CSMD1: variants seen among roughly 807,000 people sequenced by gnomAD.
CSMD1 encodes the protein CUB and sushi domain-containing protein 1.
In CSMD1, 213 loss-of-function variants were observed where a neutral mutation model predicts 417.5. The observed-to-expected ratio is 0.51, with a 90% CI of 0.46 to 0.57. The LOEUF (loss-of-function observed/expected upper bound fraction) is 0.57, where lower values mean the gene tolerates loss of function less well. Among genes scored for constraint, CSMD1 ranks in the 20% least tolerant of loss-of-function variants. The probability of loss-of-function intolerance (pLI) is 0.00; values close to 1 mark genes in which losing one functional copy is unlikely to be tolerated. For missense variants in CSMD1, 6,923 were observed against 4,529.7 expected (o/e 1.53, Z -15.17); for synonymous variants, 2,862 against 1,736.8 (o/e 1.65, Z -16.11).
chr8:4,655,674 T>A lies in CSMD1; in HGVS notation c.86-18116A>T, dbSNP rs569095598. Among the ~76,000 whole-genome samples the A allele has an allele frequency of 6.6e-5, 10 of 152,138 alleles. No homozygotes were observed. The East Asian group carries it at 1.9e-3, about 29-fold the overall frequency. ...TAATCATTTAGATGAAAAGTCAATATAATGGAAAAGGTAACTAGGACACGA... is the reference window on the plus strand; with the variant it reads ...TAATCATTTAGATGAAAAGTCAATAAAATGGAAAAGGTAACTAGGACACGA... On this transcript the variant is annotated intron_variant, in intron 1 of 69. Transcript: ENST00000635120.
intron 49 of CSMD1, among the ~76,000 whole-genome samples, chr8:3,069,189 A>G (rs1275873812): frequency 6.6e-6 from 1 of 152,264 alleles, no homozygotes; most frequent in African/African-American, 2.4e-5. Context: ...TAATCTCAGC[A>G]CTTTGGTAGG....
chr8:4,265,127 T>C (rs1336173502), intron 3 of CSMD1, among the ~76,000 whole-genome samples: 3 of 152,178 alleles, frequency 2.0e-5, no homozygotes, highest in Non-Finnish European at 4.4e-5. Flanking sequence ...AACTGTCCTC[T>C]AACTTAATTT....
rs561919481 is a variant in CSMD1, at chr8:3,074,013, C to A, written c.7474+13084G>T. On this transcript the variant is annotated intron_variant, in intron 49 of 69. Coordinates refer to ENST00000635120, the MANE Select transcript of CSMD1 (RefSeq NM_033225.6). ...ACGATTTCTGCAGTTCAGGTACGGG[C>A]GTGGCCTCACCCTGAGGGTGGCAGC... Among the ~76,000 whole-genome samples the A allele has an allele frequency of 1.9e-4, 29 of 152,354 alleles. No individual in the cohort carries two copies. In the South Asian group the frequency reaches 5.6e-3, roughly 29 times the overall value.
At chr8:3,960,386 A>C (rs532384656) in intron 5 of CSMD1, among the ~76,000 whole-genome samples, 1 of 152,302 alleles carries the variant, frequency 6.6e-6, no homozygotes, top group Non-Finnish European at 1.5e-5. Flanking sequence ...GCATGGCGTG[A>C]ATGTCTTCTA....
At chr8:2,960,336 C>T (rs191726296) in intron 62 of CSMD1, among the ~76,000 whole-genome samples, 122 of 152,298 alleles carry the variant, frequency 8.0e-4, no homozygotes, top group African/African-American at 2.8e-3. Flanking sequence ...CACTCTGTGT[C>T]CGAGCGAGAA....
At chr8:3,285,788 A>G (rs17319945) in intron 25 of CSMD1, among the ~76,000 whole-genome samples, 2,631 of 150,960 alleles carry the variant, frequency 0.017, 43 homozygotes, top group Non-Finnish European at 0.026. Flanking sequence ...CTTATCACAC[A>G]CTCTGAAGTT....
intron 1 of CSMD1, among the ~76,000 whole-genome samples, chr8:4,774,616 G>A (rs562565689): frequency 4.7e-4 from 71 of 152,108 alleles, no homozygotes; most frequent in Non-Finnish European, 8.7e-4. Flanking sequence ...GATGTGGTTT[G>A]GATCCATTTC....
chr8:4,285,675 G>T (rs1404857271), intron 3 of CSMD1, among the ~76,000 whole-genome samples: 2 of 152,184 alleles, frequency 1.3e-5, no homozygotes, highest in Non-Finnish European at 2.9e-5. Flanking sequence ...TGGCAGTGGT[G>T]TAGGAAGAAT....
In CSMD1 at chr8:2,935,842, A is replaced by G. The variant is rs966299739; in HGVS notation, c.*2743T>C. 6.6e-6 allele frequency: 1 copy of G among 152,230 alleles called. No homozygotes were observed. The highest frequency in any genetic ancestry group is 1.5e-5 in the Non-Finnish European group (1 of 68,044). The allele number at this position is 152,230 out of a possible 1,614,324, so 9.4% of individuals were successfully genotyped here. A position where few individuals can be genotyped will look rare whatever the true frequency, so the allele number is the denominator to read the frequency against. On this transcript the variant is annotated 3_prime_UTR_variant, in exon 70 of 70. Coordinates refer to ENST00000635120, the MANE Select transcript of CSMD1 (RefSeq NM_033225.6). Reference sequence around the variant, plus strand: ...GTTTACAAAATATTTTACAGAAGAAAAAAATTATTGCAGCTAGCCTGAAAA... The same window carrying G: ...GTTTACAAAATATTTTACAGAAGAAGAAAATTATTGCAGCTAGCCTGAAAA...
intron 7 of CSMD1, among the ~76,000 whole-genome samples, chr8:3,665,612 G>C (rs563900329): frequency 9.5e-4 from 145 of 152,258 alleles, no homozygotes; most frequent in Non-Finnish European, 1.8e-3. Context: ...AATTGACTCA[G>C]TAGGGTTCTA....
intron 2 of CSMD1, among the ~76,000 whole-genome samples, chr8:4,546,577 G>A (rs1459088713): frequency 6.6e-6 from 1 of 152,082 alleles, no homozygotes; most frequent in African/African-American, 2.4e-5. Flanking sequence ...CTGGTTCTCA[G>A]GCCTTCAGAT....
At chr8:3,550,000 T>A (rs1416005413) in intron 10 of CSMD1, among the ~76,000 whole-genome samples, 1 of 152,240 alleles carries the variant, frequency 6.6e-6, no homozygotes, top group Middle Eastern at 3.2e-3. Flanking sequence ...GTGTTGCTTA[T>A]GTTTTAATGA....
chr8:3,775,057 A>G (rs60775988), intron 5 of CSMD1, among the ~76,000 whole-genome samples: 19,859 of 152,166 alleles, frequency 0.13, 2,185 homozygotes, highest in African/African-American at 0.29. Flanking sequence ...ATAGCATACA[A>G]TTTAAAACTT....
rs573888823 is a variant in CSMD1 at position 4,267,167 on chromosome 8, G to A, written c.415+152786C>T. ...AAGTATAATTATTTGAAACAGTGAA[G>A]ATAATATTCATTAATTCCAAAAAAT... On this transcript the variant is annotated intron_variant, in intron 3 of 69. Transcript: ENST00000635120. 4.8e-3 allele frequency among the ~76,000 whole-genome samples: 484 copies of A among 100,510 alleles called. 78 individuals carry two copies. The highest frequency in any genetic ancestry group is 0.012 in the African/African-American group (451 of 36,162). The allele number at this position is 100,510 out of a possible 152,430, so 65.9% of individuals were successfully genotyped here. A position where few individuals can be genotyped will look rare whatever the true frequency, so the allele number is the denominator to read the frequency against.
Position 3,553,246 on chromosome 8 carries a change from T to C in CSMD1, c.1344+21699A>G, listed in dbSNP as rs187719146. Among the ~76,000 whole-genome samples, 357 of 152,322 alleles carry C rather than the reference T, an allele frequency of 2.3e-3. 1 individual carries two copies. In the Middle Eastern group the frequency reaches 0.024, roughly 10 times the overall value. ...AGATACCTAGGTAGGCTTTCAGTAA[T>C]GTAGCCATAGTTCGGAGCTGCAGGC... On this transcript the variant is annotated intron_variant, in intron 10 of 69. Coordinates refer to ENST00000635120, the MANE Select transcript of CSMD1 (RefSeq NM_033225.6).
At chr8:3,471,109 G>A (rs1360583411) in intron 11 of CSMD1, among the ~76,000 whole-genome samples, 1 of 152,170 alleles carries the variant, frequency 6.6e-6, no homozygotes, top group East Asian at 1.9e-4. Context: ...TCCCCAGACT[G>A]TTTGTACATT....
Position 3,107,741 on chromosome 8 carries a change from G to C in CSMD1, c.6812C>G (p.Thr2271Ser). The change falls in exon 45 of 70, where the codon ACT (threonine) becomes AGT (serine). Residue 2271 changes from threonine (T) to serine (S), a missense_variant. Coordinates refer to ENST00000635120, the MANE Select transcript of CSMD1 (RefSeq NM_033225.6). ...PPAVPQAEML[T>S]EDDDFEIGDF... ...ACCTATTTCGAAATCATCATCCTCA[G>C]TAAGCATTTCTGCCTGTGGAACCGC... 2 of 1,592,266 alleles carry C rather than the reference G, an allele frequency of 1.3e-6. No homozygotes were observed. The highest frequency in any genetic ancestry group is 1.7e-6 in the Non-Finnish European group (2 of 1,171,030).
intron 2 of CSMD1, among the ~76,000 whole-genome samples, chr8:4,454,204 G>C (rs889476690): frequency 2.6e-5 from 4 of 152,052 alleles, no homozygotes; most frequent in African/African-American, 4.8e-5. Context: ...TTAAAACTCC[G>C]TGTCTCCTTA....
At chr8:3,565,336 G>T (rs534117801) in intron 10 of CSMD1, among the ~76,000 whole-genome samples, 1 of 145,676 alleles carries the variant, frequency 6.9e-6, no homozygotes, top group East Asian at 1.9e-4. Context: ...CAGGGCAGTT[G>T]GTGGAGCCAC....
Sources: allele counts gnomAD v4.1 joint callset (sites outside exome capture counted in the v4.1 genomes callset), GRCh38; gene constraint gnomAD v4.1.1; transcripts MANE v1.5; gene names NCBI Gene and HGNC (gene_info 2026-07-23, HGNC 2026-07-21).